Variants in TAOK3 observed in about 807,000 individuals in gnomAD.
TAOK3 encodes serine/threonine-protein kinase TAO3.
TAOK3 carries 40 observed loss-of-function variants against 120.4 expected under a neutral mutation model. The observed-to-expected ratio is 0.33, with a 90% confidence interval of 0.26 to 0.43. TAOK3 has a LOEUF of 0.43. Ranked by LOEUF, TAOK3 falls within the 20% of genes least tolerant of loss-of-function variation. The pLI is 1.00. For synonymous variants in TAOK3, 355 were observed against 387.5 expected (o/e 0.92, Z 0.99); for missense variants, 821 against 1,112.1 (o/e 0.74, Z 3.72).
chr12:118,247,593 C>T (rs1370844102), intron 3 of TAOK3, among the ~76,000 whole-genome samples: 1 of 152,100 alleles, frequency 6.6e-6, no homozygotes, highest in African/African-American at 2.4e-5. Context: ...CAGCTCACTG[C>T]AACCTCTGCC....
chr12:118,202,463 C>T (rs1214782937), intron 11 of TAOK3, among the ~76,000 whole-genome samples: 2 of 152,130 alleles, frequency 1.3e-5, no homozygotes, highest in East Asian at 1.9e-4. Flanking sequence ...ATAATGGCAA[C>T]CCCAATCTAC....
rs1236567995 is a variant in TAOK3, at chr12:118,152,250, G to A, written c.2512C>T (p.Arg838Cys). The change falls in exon 20 of 21, where the codon CGC becomes TGC. Residue 838 changes from arginine (R) to cysteine (C), a missense_variant. Transcript: ENST00000392533. ...LQKLEQRVSL[R>C]RAHLEQKIEE... ...ACCTTCTGCTCAAGGTGTGCTCTGC[G>A]CAGAGACACTCTCTGCTCTAGCTTC... The A allele has an allele frequency of 3.1e-6, 5 of 1,614,124 alleles. No homozygotes were observed. Among genetic ancestry groups the A allele is most frequent in the Non-Finnish European group, 4.2e-6 (5 of 1,179,986 alleles).
rs148617199 is a variant in TAOK3, at chr12:118,303,924, A to C, written c.-193-37165T>G. Among the ~76,000 whole-genome samples, 1,318 of 152,360 alleles carry C rather than the reference A, an allele frequency of 8.7e-3. 33 individuals are homozygous for C. The highest frequency in any genetic ancestry group is 0.083 in the South Asian group (399 of 4,830). ...TGGCCTCCCAAAGTGTTGGGATTACAGGCGTGAGCCACCATGCCTGGTCCC... is the reference window on the plus strand; with the variant it reads ...TGGCCTCCCAAAGTGTTGGGATTACCGGCGTGAGCCACCATGCCTGGTCCC... On this transcript the variant is annotated intron_variant, in intron 1 of 20. Coordinates refer to ENST00000392533, the MANE Select transcript of TAOK3 (RefSeq NM_016281.4).
intron 3 of TAOK3, among the ~76,000 whole-genome samples, chr12:118,251,956 G>C (rs973672508): frequency 6.6e-5 from 10 of 152,006 alleles, no homozygotes; most frequent in Non-Finnish European, 1.0e-4. Flanking sequence ...CCAGTAGCTG[G>C]GACTACAGGC....
At chr12:118,267,007 G>C (rs1299800763) in intron 1 of TAOK3, among the ~76,000 whole-genome samples, 2 of 152,156 alleles carry the variant, frequency 1.3e-5, no homozygotes, top group African/African-American at 4.8e-5. Context: ...AGCTTCCACT[G>C]GTTTGTTTGT....
In TAOK3 at chr12:118,150,970, TTTTTG is replaced by T. The variant is rs756284492; in HGVS notation, c.*22_*26del. ...TTTTCTGTTTTCTTTTTTTTTTTTTTTTTTGTAAATGGCAAAAAATTTAATCTCAT... is the reference window on the plus strand; with the variant it reads ...TTTTCTGTTTTCTTTTTTTTTTTTTTTAAATGGCAAAAAATTTAATCTCAT... On this transcript the variant is annotated 3_prime_UTR_variant, in exon 21 of 21. Transcript: ENST00000392533. 2 of 1,535,254 alleles carry T rather than the reference TTTTTG, an allele frequency of 1.3e-6. No individual in the cohort carries two copies. Among genetic ancestry groups the T allele is most frequent in the Non-Finnish European group, 8.7e-7 (1 of 1,147,740 alleles).
chr12:118,154,684 G>A (rs747806606), intron 19 of TAOK3, among the ~76,000 whole-genome samples: 10 of 151,834 alleles, frequency 6.6e-5, no homozygotes, highest in Non-Finnish European at 1.0e-4. Flanking sequence ...CAGGTGATCC[G>A]CCTGCCTTGG....
chr12:118,271,963 T>C (rs1336148636), intron 1 of TAOK3, among the ~76,000 whole-genome samples: 2 of 152,232 alleles, frequency 1.3e-5, no homozygotes, highest in Admixed American at 6.5e-5. Flanking sequence ...AATGTAGTAT[T>C]TCAGGTTTTA....
intron 1 of TAOK3, among the ~76,000 whole-genome samples, chr12:118,298,662 A>C (rs773576202): frequency 9.2e-5 from 14 of 152,188 alleles, no homozygotes; most frequent in Non-Finnish European, 1.5e-4. Context: ...GAAGACAAAG[A>C]TACCAATATT....
chr12:118,263,769 T>C (rs1203260431), intron 2 of TAOK3, among the ~76,000 whole-genome samples: 2 of 151,976 alleles, frequency 1.3e-5, no homozygotes, highest in Non-Finnish European at 2.9e-5. Flanking sequence ...GAGATGCAAA[T>C]GAAAACCCAT....
chr12:118,263,250 T>A (rs553997241), intron 2 of TAOK3, among the ~76,000 whole-genome samples: 14 of 152,272 alleles, frequency 9.2e-5, no homozygotes, highest in Middle Eastern at 3.4e-3. Flanking sequence ...AAGAAATAAT[T>A]GTCTTCAATG....
intron 5 of TAOK3, among the ~76,000 whole-genome samples, chr12:118,243,169 G>A (rs1290474537): frequency 6.6e-6 from 1 of 152,022 alleles, no homozygotes; most frequent in Non-Finnish European, 1.5e-5. Context: ...ATAAAATGAT[G>A]TCAACTTTTC....
rs112347307 is a variant in TAOK3, at chr12:118,238,310, G to A, written c.341-141C>T. ...ACATTCACCTAGATCTTCTATAGAA[G>A]ATAATAAGTGATCAGACAACAGGAA... is the stretch of plus-strand genomic sequence containing the variant. On this transcript the variant is annotated intron_variant, in intron 6 of 20. Transcript: ENST00000392533. 1,007 of 497,520 alleles carry A rather than the reference G, an allele frequency of 2.0e-3. 12 individuals are homozygous for A. The highest frequency in any genetic ancestry group is 0.018 in the African/African-American group (932 of 51,662). 30.8% of individuals were successfully genotyped at this position (497,520 alleles called of 1,614,324 possible). A position where few individuals can be genotyped will look rare whatever the true frequency, so the allele number is the denominator to read the frequency against.
intron 11 of TAOK3, among the ~76,000 whole-genome samples, chr12:118,207,858 T>TCACTCACACACACA (rs1555221794): frequency 6.9e-6 from 1 of 144,350 alleles, no homozygotes; most frequent in Non-Finnish European, 1.5e-5. Context: ...AGACTCTGTC[T>TCACTCACACACACA]CACACACACA....
chr12:118,164,832 C>G (rs187621789), intron 17 of TAOK3, among the ~76,000 whole-genome samples: 179 of 152,292 alleles, frequency 1.2e-3, no homozygotes, highest in African/African-American at 3.7e-3. Flanking sequence ...CATTTTTATA[C>G]TGGCGTGGTT....
At chr12:118,283,695 ACTC>A in intron 1 of TAOK3, 1 of 172,848 alleles carries the variant, frequency 5.8e-6, no homozygotes, top group South Asian at 1.2e-4. Flanking sequence ...ATGCCACTGC[ACTC>A]CAGCCTGGTG....
intron 1 of TAOK3, among the ~76,000 whole-genome samples, chr12:118,309,327 C>CAA (rs771231916): frequency 8.9e-4 from 63 of 71,018 alleles, no homozygotes; most frequent in Middle Eastern, 7.0e-3. Flanking sequence ...AGACTGTCTC[C>CAA]AAAAAAAAAA....
chr12:118,324,150 A>T (rs2043833228), intron 1 of TAOK3, among the ~76,000 whole-genome samples: 1 of 152,220 alleles, frequency 6.6e-6, no homozygotes, highest in South Asian at 2.1e-4. Context: ...CAAAAGTGGA[A>T]ATATTCAGAT....
intron 1 of TAOK3, among the ~76,000 whole-genome samples, chr12:118,304,388 G>T (rs576599920): frequency 6.6e-6 from 1 of 152,248 alleles, no homozygotes; most frequent in South Asian, 2.1e-4. Flanking sequence ...GAACTAGGCC[G>T]ACTACAAAAT....
Sources: allele counts gnomAD v4.1 joint callset (sites outside exome capture counted in the v4.1 genomes callset), GRCh38; gene constraint gnomAD v4.1.1; transcripts MANE v1.5; gene names NCBI Gene and HGNC (gene_info 2026-07-23, HGNC 2026-07-21).